The following CDH18 variants were observed in gnomAD, a reference collection of about 807,000 sequenced individuals.
The protein encoded by CDH18 is cadherin 18, also known as cadherin-18.
Under a neutral mutation model 67.9 loss-of-function variants are expected in CDH18, and 31 were observed. That is an observed-to-expected ratio of 0.46 (90% CI 0.34 to 0.62). The LOEUF (loss-of-function observed/expected upper bound fraction) is 0.62, where lower values mean the gene tolerates loss of function less well. CDH18 is among the 20% of genes least tolerant of loss of function. The probability of loss-of-function intolerance (pLI) is 0.01; values close to 1 mark genes in which losing one functional copy is unlikely to be tolerated. For synonymous variants in CDH18, 362 were observed against 347.2 expected, an observed-to-expected ratio of 1.04 and a Z score of -0.48; for missense variants, 890 against 975.5, an observed-to-expected ratio of 0.91 and a Z score of 1.17.
intron 2 of CDH18, among the ~76,000 whole-genome samples, chr5:20,022,095 C>T (rs1738476778): frequency 6.6e-6 from 1 of 152,092 alleles, no homozygotes; most frequent in East Asian, 1.9e-4. Flanking sequence ...TCTTATTATC[C>T]TAATGTTCTT....
chr5:19,787,889 ATAAT>A (rs1204186711), intron 3 of CDH18, among the ~76,000 whole-genome samples: 1 of 151,426 alleles, frequency 6.6e-6, no homozygotes, highest in Non-Finnish European at 1.5e-5. Context: ...TGAAGAAAGA[ATAAT>A]TAACTCCTTC....
chr5:19,923,514 T>G (rs1219211087), intron 2 of CDH18, among the ~76,000 whole-genome samples: 1 of 152,202 alleles, frequency 6.6e-6, no homozygotes, highest in Non-Finnish European at 1.5e-5. Context: ...TGCTTTTCCA[T>G]TCTTAGTGCA....
chr5:20,110,146 G>A (rs1022060587), intron 2 of CDH18, among the ~76,000 whole-genome samples: 2 of 152,144 alleles, frequency 1.3e-5, no homozygotes, highest in Non-Finnish European at 2.9e-5. Flanking sequence ...CTGAAGCTGA[G>A]AACTGCCAAA....
intron 2 of CDH18, among the ~76,000 whole-genome samples, chr5:19,842,615 A>G (rs1427536350): frequency 6.6e-6 from 1 of 152,204 alleles, no homozygotes; most frequent in African/African-American, 2.4e-5. Flanking sequence ...AAATAAAATA[A>G]TACAATACAT....
At chr5:20,358,238 T>C (rs1220530380) in intron 1 of CDH18, among the ~76,000 whole-genome samples, 1 of 152,162 alleles carries the variant, frequency 6.6e-6, no homozygotes, top group Non-Finnish European at 1.5e-5. Flanking sequence ...TTCAGTCATA[T>C]CCCAAACTTC....
At chr5:19,601,991 T>C (rs1747214298) in intron 6 of CDH18, among the ~76,000 whole-genome samples, 1 of 152,106 alleles carries the variant, frequency 6.6e-6, no homozygotes, top group African/African-American at 2.4e-5. Flanking sequence ...CCACAACTAA[T>C]ATCACTAAAA....
chr5:19,546,291 TAATG>T (rs1471091137), intron 8 of CDH18, among the ~76,000 whole-genome samples: 2 of 152,216 alleles, frequency 1.3e-5, no homozygotes, highest in Non-Finnish European at 2.9e-5. Flanking sequence ...TGATATCTTT[TAATG>T]AATGAACAGC....
chr5:20,170,093 C>T (rs2126642440), intron 2 of CDH18, among the ~76,000 whole-genome samples: 1 of 151,988 alleles, frequency 6.6e-6, no homozygotes, highest in South Asian at 2.1e-4. Flanking sequence ...AAATATGTGA[C>T]ATGGGTTTGC....
chr5:19,703,404 A>T (rs972384541), intron 5 of CDH18, among the ~76,000 whole-genome samples: 1 of 152,138 alleles, frequency 6.6e-6, no homozygotes, highest in Non-Finnish European at 1.5e-5. Context: ...GATGATGAGG[A>T]GGAAGGAGAG....
chr5:20,545,361 C>G (rs1019413795), intron 1 of CDH18, among the ~76,000 whole-genome samples: 2 of 152,222 alleles, frequency 1.3e-5, no homozygotes, highest in Admixed American at 6.5e-5. Flanking sequence ...TGTGGGTGCT[C>G]CAAACCCACA....
chr5:20,014,180 T>A (rs900000382), intron 2 of CDH18, among the ~76,000 whole-genome samples: 1 of 152,116 alleles, frequency 6.6e-6, no homozygotes, highest in Non-Finnish European at 1.5e-5. Context: ...TTAACTGCAT[T>A]TGAAAATATT....
In CDH18 at chr5:20,072,811, A is replaced by T. The variant is rs141576215; in HGVS notation, c.-517-80797T>A. Reference sequence around the variant, plus strand: ...AATTAATCTATGATTATTAAAATTAATTTTACTTAGTATTTTTACAGAAAT... The same window carrying T: ...AATTAATCTATGATTATTAAAATTATTTTTACTTAGTATTTTTACAGAAAT... On this transcript the variant is annotated intron_variant, in intron 2 of 14. Coordinates refer to the CDH18 transcript ENST00000507958. Among the ~76,000 whole-genome samples, 463 of 152,064 alleles carry T rather than the reference A, an allele frequency of 3.0e-3. 3 individuals are homozygous for T. The highest frequency in any genetic ancestry group is 0.01 in the African/African-American group (430 of 41,528).
intron 1 of CDH18, among the ~76,000 whole-genome samples, chr5:20,458,559 A>G (rs1381181439): frequency 6.6e-6 from 1 of 152,102 alleles, no homozygotes; most frequent in East Asian, 1.9e-4. Flanking sequence ...CCGAGTTTGC[A>G]GTGAGCTGAG....
At position 19,628,376 on chromosome 5, in the gene CDH18, T is replaced by C. The variant is rs572773982; in HGVS notation, c.644-15775A>G. Among the ~76,000 whole-genome samples the C allele has an allele frequency of 1.0e-3, 156 of 152,308 alleles. 1 individual carries two copies. The highest frequency in any genetic ancestry group is 3.6e-3 in the African/African-American group (149 of 41,578). ...GACTAATACAAGTGACATGATTTTA[T>C]ATATTTTAACATGATTGTTTTGAAA... On this transcript the variant is annotated intron_variant, in intron 5 of 12. Coordinates refer to ENST00000382275, the MANE Select transcript of CDH18 (RefSeq NM_004934.5).
chr5:19,845,153 A>G (rs1183494025), intron 2 of CDH18, among the ~76,000 whole-genome samples: 1 of 150,428 alleles, frequency 6.6e-6, no homozygotes, highest in Non-Finnish European at 1.5e-5. Context: ...CTTTGTATCC[A>G]GTTCATGGAA....
chr5:19,589,814 C>A (rs573593254), intron 7 of CDH18, among the ~76,000 whole-genome samples: 4 of 152,086 alleles, frequency 2.6e-5, no homozygotes, highest in Non-Finnish European at 5.9e-5. Flanking sequence ...ATGTTTCACT[C>A]ACCTCAGGCA....
chr5:19,870,638 G>C (rs1039978876), intron 2 of CDH18, among the ~76,000 whole-genome samples: 1 of 152,050 alleles, frequency 6.6e-6, no homozygotes, highest in East Asian at 1.9e-4. Context: ...TAGAGGTCTA[G>C]GCAGCATTAA....
chr5:20,371,777 T>C (rs907268267), intron 1 of CDH18, among the ~76,000 whole-genome samples: 1 of 152,170 alleles, frequency 6.6e-6, no homozygotes, highest in Admixed American at 6.5e-5. Context: ...GTGATGGGAT[T>C]CAGAAGACTG....
chr5:19,829,033 C>T (rs1419645404), intron 3 of CDH18, among the ~76,000 whole-genome samples: 1 of 151,910 alleles, frequency 6.6e-6, no homozygotes, highest in Non-Finnish European at 1.5e-5. Context: ...GTAAGACTCC[C>T]TCTCAAAAAT....
Sources: gnomAD v4.1 joint callset for allele counts (sites outside exome capture counted in the v4.1 genomes callset) on GRCh38, gnomAD v4.1.1 for gene constraint, MANE v1.5 for transcripts, NCBI Gene and HGNC (gene_info 2026-07-23, HGNC 2026-07-21) for gene names.